SCN10A: variants seen among roughly 807,000 people sequenced by gnomAD.
SCN10A encodes sodium voltage-gated channel alpha subunit 10, also known as sodium channel protein type 10 subunit alpha.
SCN10A carries 162 observed loss-of-function variants against 170.7 expected under a neutral mutation model. The observed-to-expected ratio is 0.95, with a 90% CI of 0.84 to 1.08. The LOEUF is 1.08. Ranked by LOEUF, SCN10A falls within the 50% of genes least tolerant of loss-of-function variation. The pLI is 0.00. For missense variants in SCN10A, 2,527 were observed against 2,436.9 expected, an observed-to-expected ratio of 1.04 and a Z score of -0.78; for synonymous variants, 985 against 904.6, an observed-to-expected ratio of 1.09 and a Z score of -1.59.
In SCN10A at chr3:38,701,993, A is replaced by G; in HGVS notation, c.4503T>C (p.Ser1501=). 6.2e-7 allele frequency: 1 copy of G among 1,614,142 alleles called. No homozygotes were observed. Residue 1501 remains serine (S), a synonymous_variant, in exon 27 of 28, where the codon AGT becomes AGC. Coordinates refer to ENST00000449082, the MANE Select transcript of SCN10A (RefSeq NM_006514.4). ...ITMMVETDDQ[S]EEKTKILGKI... ...TGCCCAGAATTTTCGTCTTTTCTTC[A>G]CTTTGGTCATCAGTCTCCACCATCA... is the stretch of plus-strand genomic sequence containing the variant.
chr3:38,739,957 A>G lies in SCN10A; in HGVS notation c.2107-269T>C, dbSNP rs115954335. 2.4e-3 allele frequency among the ~76,000 whole-genome samples: 364 copies of G among 152,332 alleles called. 3 individuals carry two copies. The highest frequency in any genetic ancestry group is 7.8e-3 in the African/African-American group (323 of 41,582). ...GAGTGGAATAAGCGGATAGTCTTTA[A>G]GATCATTATTATAATATCATTTTGT... On this transcript the variant is annotated intron_variant, in intron 14 of 27. Coordinates refer to ENST00000449082, the MANE Select transcript of SCN10A (RefSeq NM_006514.4).
At chr3:38,800,248 TC>T (rs2064363442) in intron 1 of SCN10A, among the ~76,000 whole-genome samples, 1 of 152,130 alleles carries the variant, frequency 6.6e-6, no homozygotes, top group Non-Finnish European at 1.5e-5. Context: ...ACAGTGAACT[TC>T]ACATGCCAGT....
At chr3:38,702,222 G>T in intron 26 of SCN10A, 113 bp from the exon 27 acceptor site, 2 of 1,143,262 alleles carry the variant, frequency 1.7e-6, no homozygotes, top group African/African-American at 1.6e-5. Context: ...TAACAGAAGC[G>T]AAATACTATC....
At chr3:38,799,959 G>C (rs967338418) in intron 1 of SCN10A, among the ~76,000 whole-genome samples, 2 of 152,040 alleles carry the variant, frequency 1.3e-5, no homozygotes, top group Non-Finnish European at 2.9e-5. Flanking sequence ...TGGGATCCCT[G>C]GTCCATCATG....
At chr3:38,776,090 G>A (rs1252806351) in intron 4 of SCN10A, among the ~76,000 whole-genome samples, 1 of 151,996 alleles carries the variant, frequency 6.6e-6, no homozygotes, top group Non-Finnish European at 1.5e-5. Context: ...ATCATTACTT[G>A]ACAAAAACGT....
At position 38,752,387 on chromosome 3, in the gene SCN10A, G is replaced by C; in HGVS notation, c.1587C>G (p.Asp529Glu). 6.2e-7 allele frequency: 1 copy of C among 1,614,032 alleles called. No homozygotes were observed. Among genetic ancestry groups the C allele is most frequent in the Non-Finnish European group, 8.5e-7 (1 of 1,179,980 alleles). ...GVTDDGVFPG[D>E]HESHRGSLLL... The stretch of plus-strand genomic sequence containing the variant: ...GCAGAGAGCCCCGATGGCTTTCGTG[G>C]TCTCCAGGAAAGACTCCATCATCTG... The change falls in exon 12 of 28, where the codon GAC (aspartate) becomes GAG (glutamate). Residue 529 changes from aspartate (D) to glutamate (E), a missense_variant. By Grantham distance (45) the Asp-to-Glu change is conservative. Coordinates refer to ENST00000449082, the MANE Select transcript of SCN10A (RefSeq NM_006514.4).
rs1483015148 is a variant in SCN10A, at chr3:38,722,266, C to A, written c.3499G>T (p.Gly1167Ter). 6.2e-7 allele frequency: 1 copy of A among 1,613,518 alleles called. No homozygotes were observed. Among genetic ancestry groups the A allele is most frequent in the Non-Finnish European group, 8.5e-7 (1 of 1,179,748 alleles). Residue 1167 changes from glycine to a stop codon, truncating the protein, a stop_gained, in exon 20 of 28, where the codon GGA becomes TGA. Transcript: ENST00000449082. LOFTEE classifies it high-confidence loss of function. ...ACTATGCCTCCCCTTACCAGAGATCCACTGCTGAGCAGGATCATGAAGATG... is the reference window on the plus strand; with the variant it reads ...ACTATGCCTCCCCTTACCAGAGATCAACTGCTGAGCAGGATCATGAAGATG... ...FIIFMILLSS[G>*]SLAFEDYYLD...
intron 21 of SCN10A, among the ~76,000 whole-genome samples, chr3:38,715,074 C>A (rs1263525049): frequency 6.6e-6 from 1 of 152,176 alleles, no homozygotes; most frequent in Admixed American, 6.5e-5. Context: ...GGACAAAGAA[C>A]CGGAATGGAA....
chr3:38,763,447 A>G lies in SCN10A; in HGVS notation c.691+58T>C, dbSNP rs2063897867. 3 of 1,340,908 alleles carry G rather than the reference A, an allele frequency of 2.2e-6. No homozygotes were observed. In the Admixed American group the frequency reaches 5.0e-5, roughly 23 times the overall value. The allele number at this position is 1,340,908 out of a possible 1,614,324, so 83.1% of individuals were successfully genotyped here. A position where few individuals can be genotyped will look rare whatever the true frequency, so the allele number is the denominator to read the frequency against. On this transcript the variant is annotated intron_variant, in intron 6 of 27. Transcript: ENST00000449082. ...GGAACCTTACAGGGTTCTTGTGAAAATTAGAGAAGGGAGTTAGGCTGTGAA... is the reference window on the plus strand; with the variant it reads ...GGAACCTTACAGGGTTCTTGTGAAAGTTAGAGAAGGGAGTTAGGCTGTGAA...
At chr3:38,806,767 C>T (rs886762677) in intron 1 of SCN10A, among the ~76,000 whole-genome samples, 6 of 152,014 alleles carry the variant, frequency 3.9e-5, no homozygotes, top group African/African-American at 1.4e-4. Flanking sequence ...AATTCCACAC[C>T]ACTAGCTCTC....
In SCN10A at chr3:38,712,183, C is replaced by T; in HGVS notation, c.4067G>A (p.Gly1356Asp). Reference sequence around the variant, plus strand: ...CACCACCTGCAGAAGTGCAAGGTAACCCATTGCAACATTATCAAAGTTGAC... The same window carrying T: ...CACCACCTGCAGAAGTGCAAGGTAATCCATTGCAACATTATCAAAGTTGAC... ...VKVNFDNVAMGYLALLQVATF... is the reference protein window; with the variant it reads ...VKVNFDNVAMDYLALLQVATF... The change falls in exon 23 of 28, where the codon GGT (glycine) becomes GAT (aspartate). Residue 1356 changes from glycine (G) to aspartate (D), a missense_variant. Gly to Asp is a moderately conservative substitution (Grantham distance 94). Coordinates refer to ENST00000449082, the MANE Select transcript of SCN10A (RefSeq NM_006514.4). 6.8e-6 allele frequency: 11 copies of T among 1,614,116 alleles called. No homozygotes were observed. Among genetic ancestry groups the T allele is most frequent in the Non-Finnish European group, 9.3e-6 (11 of 1,179,974 alleles).
intron 1 of SCN10A, among the ~76,000 whole-genome samples, chr3:38,810,678 A>G (rs1375712973): frequency 6.6e-6 from 1 of 152,208 alleles, no homozygotes; most frequent in Non-Finnish European, 1.5e-5. Flanking sequence ...TGTAAGTTCT[A>G]TAAGTTCTAT....
chr3:38,769,520 C>A (rs2063974571), intron 5 of SCN10A, among the ~76,000 whole-genome samples: 2 of 152,080 alleles, frequency 1.3e-5, no homozygotes, highest in Admixed American at 1.3e-4. Flanking sequence ...AGATTACAGG[C>A]GTGAGCTACT....
chr3:38,800,041 T>C (rs4234136), intron 1 of SCN10A, among the ~76,000 whole-genome samples: 152,290 of 152,292 alleles, frequency 1, 76,144 homozygotes, highest in Non-Finnish European at 1. Context: ...TCTCAGAAAG[T>C]TTGTCAGCCC....
intron 20 of SCN10A, among the ~76,000 whole-genome samples, chr3:38,720,970 C>T (rs542456890): frequency 6.6e-6 from 1 of 152,328 alleles, no homozygotes; most frequent in South Asian, 2.1e-4. Context: ...TGCCCTGTGC[C>T]AGGGCACTGG....
chr3:38,784,148 A>C (rs1234073001), intron 4 of SCN10A, among the ~76,000 whole-genome samples: 1 of 152,078 alleles, frequency 6.6e-6, no homozygotes, highest in Admixed American at 6.6e-5. Flanking sequence ...AACATTCTTA[A>C]TTATAGTATA....
At chr3:38,789,261 C>G (rs2064249096) in intron 3 of SCN10A, among the ~76,000 whole-genome samples, 1 of 152,118 alleles carries the variant, frequency 6.6e-6, no homozygotes, top group Non-Finnish European at 1.5e-5. Context: ...TAAATATCTA[C>G]ATTTTGAAGC....
intron 4 of SCN10A, among the ~76,000 whole-genome samples, chr3:38,778,450 G>A (rs1484507605): frequency 1.3e-5 from 2 of 151,672 alleles, no homozygotes; most frequent in African/African-American, 2.4e-5. Context: ...TTCTTCCCAA[G>A]CAAAAGAGGG....
chr3:38,752,040 C>A (rs1035253571), intron 12 of SCN10A, among the ~76,000 whole-genome samples, 179 bp downstream of exon 12: 3 of 152,116 alleles, frequency 2.0e-5, no homozygotes, highest in Admixed American at 6.5e-5. Flanking sequence ...CTCAGGCCAA[C>A]TCAATCTCTC....
Sources: gnomAD v4.1 joint callset for allele counts (sites outside exome capture counted in the v4.1 genomes callset) on GRCh38, gnomAD v4.1.1 for gene constraint, MANE v1.5 for transcripts, NCBI Gene and HGNC (gene_info 2026-07-23, HGNC 2026-07-21) for gene names.